Variants in ZNF197 observed in about 807,000 individuals in gnomAD.
ZNF197 encodes VHL-associated KRAB-A domain-containing protein.
ZNF197 carries 14 observed loss-of-function variants against 27.4 expected under a neutral mutation model. That is an observed-to-expected ratio of 0.51 (90% confidence interval 0.34 to 0.80). ZNF197 has a LOEUF of 0.80. Ranked by LOEUF, ZNF197 falls within the 30% of genes least tolerant of loss-of-function variation. The pLI is 0.02. For synonymous variants in ZNF197, 415 were observed against 420.0 expected (o/e 0.99, Z 0.15); for missense variants, 1,090 against 1,222.6 (o/e 0.89, Z 1.62).
Position 44,641,909 on chromosome 3 carries a change from C to G in ZNF197, c.779C>G (p.Thr260Ser). 2 of 1,591,806 alleles carry G rather than the reference C, an allele frequency of 1.3e-6. No homozygotes were observed. The highest frequency in any genetic ancestry group is 8.5e-7 in the Non-Finnish European group (1 of 1,170,426). Reference protein sequence around the residue: ...YGNVTSLEWETMTENEEVTSK... With the variant: ...YGNVTSLEWESMTENEEVTSK... ...TAATTCCTTTTACCAGAATGGGAGA[C>G]CATGACCGAGAATGAGGAGGTGACA... Residue 260 changes from threonine to serine, a missense_variant, in exon 6 of 6, where the codon ACC becomes AGC. Coordinates refer to ENST00000344387, the MANE Select transcript of ZNF197 (RefSeq NM_006991.5).
chr3:44,643,654 G>GC lies in ZNF197; in HGVS notation c.2524_2525insC (p.Gly842AlafsTer2). 1 of 1,614,176 alleles carries GC rather than the reference G, an allele frequency of 6.2e-7. No individual in the cohort carries two copies. On this transcript the variant is annotated frameshift_variant, in exon 6 of 6. Coordinates refer to ENST00000344387, the MANE Select transcript of ZNF197 (RefSeq NM_006991.5). LOFTEE classifies it low-confidence loss of function (END_TRUNC). ...TATAGCCCATCAGAGGATCCATACT[G>GC]GTGAGAAGCCCTATGCGTGTAGTGA...
At chr3:44,634,836 A>G (rs1180361651) in intron 5 of ZNF197, among the ~76,000 whole-genome samples, 2 of 152,158 alleles carry the variant, frequency 1.3e-5, no homozygotes, top group Non-Finnish European at 2.9e-5. Context: ...ATAGAATGAC[A>G]TAGACATCTT....
Position 44,642,945 on chromosome 3 carries a change from T to TA in ZNF197, c.1817dup (p.Ser607ValfsTer5). 6.2e-7 allele frequency: 1 copy of TA among 1,613,966 alleles called. No homozygotes were observed. Among genetic ancestry groups the TA allele is most frequent in the Non-Finnish European group, 8.5e-7 (1 of 1,179,970 alleles). ...AAAAGTGTGGGAAGATTTTCAGTTC[T>TA]AAGTCAAACTTCATTGACCATAAGA... On this transcript the variant is annotated frameshift_variant, in exon 6 of 6. Coordinates refer to ENST00000344387, the MANE Select transcript of ZNF197 (RefSeq NM_006991.5). LOFTEE classifies it low-confidence loss of function (END_TRUNC).
At position 44,645,699 on chromosome 3, in the gene ZNF197, T is replaced by TGCTGTCA. The variant is rs1702916613; in HGVS notation, c.*1480_*1486dup. On this transcript the variant is annotated 3_prime_UTR_variant, in exon 6 of 6. Transcript: ENST00000344387. The stretch of plus-strand genomic sequence containing the variant: ...TGAATTCTAATCAATATTTCATCAT[T>TGCTGTCA]GCTGTCAAATGATAGCCTGTTACTA... The TGCTGTCA allele has an allele frequency of 1.0e-6, 1 of 985,338 alleles. No individual in the cohort carries two copies. Among genetic ancestry groups the TGCTGTCA allele is most frequent in the Non-Finnish European group, 1.2e-6 (1 of 829,942 alleles). The allele number at this position is 985,338 out of a possible 1,614,324, so 61.0% of individuals were successfully genotyped here. A position where few individuals can be genotyped will look rare whatever the true frequency, so the allele number is the denominator to read the frequency against.
Position 44,627,736 on chromosome 3 carries a change from C to A in ZNF197, c.-81-1338C>A, listed in dbSNP as rs1320453126. The stretch of plus-strand genomic sequence containing the variant: ...GTACCAGCTGCCTGGAAAGCTGAGA[C>A]AGGAAAATTGCTTGAACCTGTCAAG... On this transcript the variant is annotated intron_variant, in intron 1 of 5. Transcript: ENST00000344387. Among the ~76,000 whole-genome samples the A allele has an allele frequency of 4.7e-5, 7 of 149,544 alleles. No individual in the cohort carries two copies. In the East Asian group the frequency reaches 9.9e-4, roughly 21 times the overall value.
At chr3:44,637,459 G>A (rs988570020) in intron 5 of ZNF197, among the ~76,000 whole-genome samples, 5 of 152,070 alleles carry the variant, frequency 3.3e-5, no homozygotes, top group African/African-American at 1.2e-4. Flanking sequence ...ATCCTTTGAA[G>A]GACAAAAGTC....
chr3:44,627,461 T>TA (rs1701735647), intron 1 of ZNF197, among the ~76,000 whole-genome samples: 1 of 152,164 alleles, frequency 6.6e-6, no homozygotes, highest in South Asian at 2.1e-4. Context: ...CTTTTGAAAA[T>TA]AGAGTTTCTT....
chr3:44,633,526 C>T (rs1278923648), intron 5 of ZNF197, among the ~76,000 whole-genome samples: 22 of 152,208 alleles, frequency 1.4e-4, no homozygotes, highest in Admixed American at 1.0e-3. Flanking sequence ...AGCATTTATA[C>T]TGGAACTTGA....
intron 1 of ZNF197, among the ~76,000 whole-genome samples, 167 bp downstream of exon 1, chr3:44,625,310 T>TG (rs1321950997): frequency 6.6e-6 from 1 of 152,180 alleles, no homozygotes; most frequent in Non-Finnish European, 1.5e-5. Flanking sequence ...TGGCCTCGGC[T>TG]GGGCAGGCAG....
rs971955119 is a variant in ZNF197 at position 44,635,734 on chromosome 3, T to G, written c.769+3135T>G. Among the ~76,000 whole-genome samples, 11 of 152,154 alleles carry G rather than the reference T, an allele frequency of 7.2e-5. 1 individual carries two copies. The highest frequency in any genetic ancestry group is 4.1e-4 in the South Asian group (2 of 4,824). ...TTAAAGTACATTCAGATTGGAGAGA[T>G]AGACATTTCCACTTATAATTACAAT... On this transcript the variant is annotated intron_variant, in intron 5 of 5. Coordinates refer to ENST00000344387, the MANE Select transcript of ZNF197 (RefSeq NM_006991.5).
Position 44,644,202 on chromosome 3 carries a change from T to C in ZNF197, c.3072T>C (p.Ile1024=), listed in dbSNP as rs1335478737. ...SWLQNTNESK[I]EIQKI is the part of the protein sequence containing the mutation. ...TACAAAACACCAATGAGTCCAAGAT[T>C]GAGATTCAGAAAATCTAGTGTCATA... Residue 1024 remains isoleucine, a synonymous_variant, in exon 6 of 6, where the codon ATT becomes ATC. Coordinates refer to ENST00000344387, the MANE Select transcript of ZNF197 (RefSeq NM_006991.5). The C allele has an allele frequency of 2.5e-6, 4 of 1,591,164 alleles. No homozygotes were observed. In the East Asian group the frequency reaches 8.9e-5, roughly 36 times the overall value.
rs1437249531 is a variant in ZNF197, at chr3:44,629,088, G to A, written c.-67G>A. 6.5e-7 allele frequency: 1 copy of A among 1,530,194 alleles called. No individual in the cohort carries two copies. Among genetic ancestry groups the A allele is most frequent in the African/African-American group, 1.4e-5 (1 of 71,948 alleles). The allele number at this position is 1,530,194 out of a possible 1,614,324, so 94.8% of individuals were successfully genotyped here. ...AGGTCTTGTAGATGATACTCTCCAA[G>A]CTGTAAGGAAGAAGTCAAGGATTAA... On this transcript the variant is annotated 5_prime_UTR_variant, in exon 2 of 6. Coordinates refer to ENST00000344387, the MANE Select transcript of ZNF197 (RefSeq NM_006991.5).
At chr3:44,631,331 C>T (rs1701979158) in intron 3 of ZNF197, 110 bp downstream of exon 3, 2 of 1,356,622 alleles carry the variant, frequency 1.5e-6, no homozygotes, top group Non-Finnish European at 2.0e-6. Flanking sequence ...GAGTCTCTTA[C>T]AGTGCCAATT....
chr3:44,642,329 G>A lies in ZNF197; in HGVS notation c.1199G>A (p.Cys400Tyr), dbSNP rs1274422883. The A allele has an allele frequency of 6.2e-7, 1 of 1,614,182 alleles. No homozygotes were observed. Among genetic ancestry groups the A allele is most frequent in the Non-Finnish European group, 8.5e-7 (1 of 1,180,026 alleles). The part of the protein sequence containing the change: ...RIHTGEKPHK[C>Y]KECGKGFIQR... ...CACACTGGTGAGAAACCTCATAAATGTAAGGAATGTGGAAAAGGCTTTATT... is the reference window on the plus strand; with the variant it reads ...CACACTGGTGAGAAACCTCATAAATATAAGGAATGTGGAAAAGGCTTTATT... Residue 400 changes from cysteine to tyrosine, a missense_variant, in exon 6 of 6, where the codon TGT becomes TAT. Transcript: ENST00000344387.
At chr3:44,629,737 C>T (rs1439353655) in intron 2 of ZNF197, among the ~76,000 whole-genome samples, 193 bp downstream of exon 2, 1 of 152,164 alleles carries the variant, frequency 6.6e-6, no homozygotes, top group African/African-American at 2.4e-5. Context: ...AACGGATTTA[C>T]GTTGAGGTCT....
intron 5 of ZNF197, among the ~76,000 whole-genome samples, chr3:44,634,734 G>GCCAC: frequency 6.6e-6 from 1 of 152,308 alleles, no homozygotes; most frequent in Non-Finnish European, 1.5e-5. Context: ...ATAGGCGTGA[G>GCCAC]CCACCATACC....
rs983932267 is a variant in ZNF197, at chr3:44,645,358, C to T, written c.*1138C>T. On this transcript the variant is annotated 3_prime_UTR_variant, in exon 6 of 6. Transcript: ENST00000344387. ...GGATTCCAGGAACCTAAAAGATACT[C>T]ATTTTCATAAGAGGAAGTATGGTGA... 2.0e-6 allele frequency: 2 copies of T among 985,064 alleles called. No individual in the cohort carries two copies. Among genetic ancestry groups the T allele is most frequent in the Non-Finnish European group, 2.4e-6 (2 of 829,902 alleles). 61.0% of individuals were successfully genotyped at this position (985,064 alleles called of 1,614,324 possible). A position where few individuals can be genotyped will look rare whatever the true frequency, so the allele number is the denominator to read the frequency against.
chr3:44,644,622 A>G lies in ZNF197; in HGVS notation c.*402A>G. The G allele has an allele frequency of 1.0e-6, 1 of 988,984 alleles. No homozygotes were observed. The highest frequency in any genetic ancestry group is 1.2e-6 in the Non-Finnish European group (1 of 832,430). 61.3% of individuals were successfully genotyped at this position (988,984 alleles called of 1,614,324 possible). On this transcript the variant is annotated 3_prime_UTR_variant, in exon 6 of 6. Coordinates refer to ENST00000344387, the MANE Select transcript of ZNF197 (RefSeq NM_006991.5). Reference sequence around the variant, plus strand: ...CCATTGCACTCCAGCCTGGGCAACAAGAGCGAAACTCTTGTCTGAAAAAAT... The same window carrying G: ...CCATTGCACTCCAGCCTGGGCAACAGGAGCGAAACTCTTGTCTGAAAAAAT...
At position 44,629,183 on chromosome 3, in the gene ZNF197, C is replaced by A; in HGVS notation, c.29C>A (p.Ala10Asp). Residue 10 changes from alanine to aspartate, a missense_variant, in exon 2 of 6, where the codon GCT (alanine) becomes GAT (aspartate). Ala to Asp is a moderately radical substitution (Grantham distance 126, BLOSUM62 -2). Coordinates refer to ENST00000344387, the MANE Select transcript of ZNF197 (RefSeq NM_006991.5). MTRENVAHN[A>D]LRQEGLVKGK... ...ACAAGAGAAAATGTAGCCCACAATG[C>A]TCTGAGACAAGAGGGCCTTGTGAAG... is the stretch of plus-strand genomic sequence containing the variant. 6.2e-7 allele frequency: 1 copy of A among 1,613,190 alleles called. No individual in the cohort carries two copies. The highest frequency in any genetic ancestry group is 1.1e-5 in the South Asian group (1 of 90,968).
Sources: allele counts gnomAD v4.1 joint callset (sites outside exome capture counted in the v4.1 genomes callset), GRCh38; gene constraint gnomAD v4.1.1; transcripts MANE v1.5; gene names NCBI Gene and HGNC (gene_info 2026-07-23, HGNC 2026-07-21).